Variants in C4orf36 observed in about 807,000 individuals in gnomAD.
C4orf36 encodes chromosome 4 open reading frame 36, also known as uncharacterized protein C4orf36.
In C4orf36, 11 loss-of-function variants were observed where a neutral mutation model predicts 12.2. The observed-to-expected ratio is 0.90, with a 90% CI of 0.57 to 1.49. The LOEUF is 1.49. C4orf36 is among the 40% of genes most tolerant of loss of function. C4orf36 has a pLI of 0.00. For synonymous variants in C4orf36, 54 were observed against 51.3 expected (o/e 1.05, Z -0.22); for missense variants, 137 against 133.9 (o/e 1.02, Z -0.11).
At chr4:86,918,088 G>C in the C4orf36 span, among the ~76,000 whole-genome samples, 1 of 152,176 alleles carries the variant, frequency 6.6e-6, no homozygotes, top group African/African-American at 2.4e-5. Context: ...ATGGCAGAAG[G>C]GGTGACAGGT....
At chr4:86,890,374 T>C (rs902390652) in intron 2 of C4orf36, among the ~76,000 whole-genome samples, 1 of 151,824 alleles carries the variant, frequency 6.6e-6, no homozygotes, top group Non-Finnish European at 1.5e-5. Context: ...TAGGAAGGGG[T>C]GGGCAGAGCA....
At chr4:86,911,970 C>T in the C4orf36 span, among the ~76,000 whole-genome samples, 1 of 152,230 alleles carries the variant, frequency 6.6e-6, no homozygotes, top group Non-Finnish European at 1.5e-5. Context: ...AAGTGATTCT[C>T]CTGCCTCAGC....
chr4:86,903,133 A>C, the C4orf36 span, among the ~76,000 whole-genome samples: 5 of 152,230 alleles, frequency 3.3e-5, no homozygotes, highest in African/African-American at 4.8e-5. Flanking sequence ...CTATTTTCAC[A>C]AGAAAAGGAA....
At chr4:86,923,729 C>G in the C4orf36 span, among the ~76,000 whole-genome samples, 1 of 148,868 alleles carries the variant, frequency 6.7e-6, no homozygotes, top group Non-Finnish European at 1.5e-5. Flanking sequence ...CACCATTGCA[C>G]TCCAGCCTGG....
chr4:86,922,890 T>C, the C4orf36 span, among the ~76,000 whole-genome samples: 1 of 152,098 alleles, frequency 6.6e-6, no homozygotes, highest in African/African-American at 2.4e-5. Flanking sequence ...CTCCCTTGGA[T>C]GTTCTCCCTC....
At chr4:86,899,945 G>A in the C4orf36 span, among the ~76,000 whole-genome samples, 2 of 152,074 alleles carry the variant, frequency 1.3e-5, no homozygotes, top group African/African-American at 4.8e-5. Flanking sequence ...AACCCCACAA[G>A]CAGAGTGTGA....
chr4:86,896,225 AC>A (rs1250518359), upstream of C4orf36, among the ~76,000 whole-genome samples: 1 of 152,112 alleles, frequency 6.6e-6, no homozygotes, highest in Non-Finnish European at 1.5e-5. Flanking sequence ...TCCTCATCAC[AC>A]TGCACTACAT....
At chr4:86,913,337 AT>A in the C4orf36 span, 1 of 822,838 alleles carries the variant, frequency 1.2e-6, no homozygotes, top group Non-Finnish European at 2.0e-6. Context: ...GTAGTGCAAA[AT>A]TTGCGACAAT....
At chr4:86,915,289 C>A in the C4orf36 span, among the ~76,000 whole-genome samples, 1 of 152,204 alleles carries the variant, frequency 6.6e-6, no homozygotes, top group African/African-American at 2.4e-5. Flanking sequence ...TTCTTGGGCT[C>A]CAGCACCAGT....
the C4orf36 span, among the ~76,000 whole-genome samples, chr4:86,901,327 T>C: frequency 6.6e-6 from 1 of 152,108 alleles, no homozygotes; most frequent in Non-Finnish European, 1.5e-5. Context: ...GTCCTCACAG[T>C]GACCCACAGA....
the C4orf36 span, chr4:86,935,083 G>C: frequency 6.6e-6 from 1 of 152,176 alleles, no homozygotes; most frequent in African/African-American, 2.4e-5. Context: ...TGCGGCCGCA[G>C]CTGCACCTTT....
chr4:86,929,011 CCT>C, the C4orf36 span, among the ~76,000 whole-genome samples: 1 of 152,178 alleles, frequency 6.6e-6, no homozygotes, highest in Non-Finnish European at 1.5e-5. Flanking sequence ...GTTGGATGTC[CCT>C]GTCTGTGCTC....
the C4orf36 span, chr4:86,924,763 T>C: frequency 2.6e-5 from 4 of 152,256 alleles, no homozygotes; most frequent in Admixed American, 2.0e-4. Flanking sequence ...TGCTTTTATA[T>C]TTGAATGATA....
chr4:86,898,091 T>A, the C4orf36 span, among the ~76,000 whole-genome samples: 2 of 152,222 alleles, frequency 1.3e-5, no homozygotes, highest in African/African-American at 2.4e-5. Flanking sequence ...ATAATGTTGC[T>A]TTAAAAGTAT....
At chr4:86,876,772 T>C in intron 4 of C4orf36, 1 of 1,413,442 alleles carries the variant, frequency 7.1e-7, no homozygotes. Context: ...ATAAAATTGG[T>C]TGCAATTTTA....
At chr4:86,901,047 C>T in the C4orf36 span, among the ~76,000 whole-genome samples, 10 of 150,260 alleles carry the variant, frequency 6.7e-5, no homozygotes, top group Non-Finnish European at 1.5e-4. Context: ...TGCAGCAGTG[C>T]AATCTCGGCT....
At chr4:86,889,165 C>G (rs1193428623) in intron 2 of C4orf36, among the ~76,000 whole-genome samples, 1 of 151,968 alleles carries the variant, frequency 6.6e-6, no homozygotes, top group African/African-American at 2.4e-5. Context: ...GCCTGGCCAA[C>G]ATGGTGAAAT....
the C4orf36 span, among the ~76,000 whole-genome samples, chr4:86,912,178 T>A: frequency 1.3e-5 from 2 of 152,022 alleles, no homozygotes; most frequent in African/African-American, 4.8e-5. Flanking sequence ...CTCAGCCATT[T>A]AAAAAAACAA....
chr4:86,932,712 T>A, the C4orf36 span, among the ~76,000 whole-genome samples: 1 of 123,754 alleles, frequency 8.1e-6, no homozygotes, highest in Non-Finnish European at 1.6e-5. Flanking sequence ...GGAGCCCTCA[T>A]ATGAAGAAGC....
Sources: gnomAD v4.1 joint callset for allele counts (sites outside exome capture counted in the v4.1 genomes callset) on GRCh38, gnomAD v4.1.1 for gene constraint, MANE v1.5 for transcripts, NCBI Gene and HGNC (gene_info 2026-07-23, HGNC 2026-07-21) for gene names.